The following SNTG2 variants were observed in gnomAD, a reference collection of about 807,000 sequenced individuals.
SNTG2 encodes the protein gamma-2-syntrophin.
Under a neutral mutation model 70.9 loss-of-function variants are expected in SNTG2, and 74 were observed. That is an observed-to-expected ratio of 1.04 (90% CI 0.86 to 1.27). The LOEUF (loss-of-function observed/expected upper bound fraction) is 1.27. SNTG2 is among the 50% of genes most tolerant of loss of function. The pLI is 0.00. For missense variants in SNTG2, 717 were observed against 690.7 expected, an observed-to-expected ratio of 1.04 and a Z score of -0.43; for synonymous variants, 278 against 273.8, an observed-to-expected ratio of 1.02 and a Z score of -0.15.
intron 1 of SNTG2, among the ~76,000 whole-genome samples, chr2:1,037,796 A>G (rs1216398633): frequency 6.6e-6 from 1 of 152,104 alleles, no homozygotes; most frequent in Non-Finnish European, 1.5e-5. Context: ...TTGATTGCTG[A>G]ATAATATTCC....
chr2:1,004,992 T>C (rs1471830204), intron 1 of SNTG2, among the ~76,000 whole-genome samples: 1 of 152,206 alleles, frequency 6.6e-6, no homozygotes, highest in Non-Finnish European at 1.5e-5. Context: ...GTCACTGTAA[T>C]GTTATTCAAC....
intron 4 of SNTG2, among the ~76,000 whole-genome samples, chr2:1,100,180 C>T (rs902044251): frequency 6.6e-6 from 1 of 151,856 alleles, no homozygotes; most frequent in Non-Finnish European, 1.5e-5. Context: ...TCTTCCCCCA[C>T]CCCACTGACA....
chr2:1,205,598 C>T (rs1158070770), intron 8 of SNTG2, among the ~76,000 whole-genome samples: 1 of 152,184 alleles, frequency 6.6e-6, no homozygotes, highest in East Asian at 1.9e-4. Context: ...AGAAAGAGCA[C>T]CTGCCCAGTG....
At chr2:1,209,890 T>A (rs1311499093) in intron 9 of SNTG2, among the ~76,000 whole-genome samples, 2 of 152,042 alleles carry the variant, frequency 1.3e-5, no homozygotes, top group South Asian at 4.1e-4. Context: ...GAATTTTTTT[T>A]AATTGAGCAC....
At chr2:1,221,202 C>T (rs564332478) in intron 9 of SNTG2, among the ~76,000 whole-genome samples, 2 of 152,022 alleles carry the variant, frequency 1.3e-5, no homozygotes, top group African/African-American at 4.8e-5. Context: ...TTCCGAGATT[C>T]CCCGGGTGCT....
chr2:1,069,521 A>G (rs1010087076), intron 1 of SNTG2, among the ~76,000 whole-genome samples: 7 of 151,114 alleles, frequency 4.6e-5, no homozygotes, highest in African/African-American at 1.7e-4. Context: ...GGCTGGGCGC[A>G]GTGGCTCATG....
At chr2:1,048,498 A>G (rs937997312) in intron 1 of SNTG2, among the ~76,000 whole-genome samples, 15 of 152,212 alleles carry the variant, frequency 9.9e-5, no homozygotes, top group African/African-American at 3.4e-4. Flanking sequence ...TTTATGATGT[A>G]TATCCACACT....
intron 2 of SNTG2, among the ~76,000 whole-genome samples, chr2:1,096,664 A>T (rs1665412412): frequency 6.6e-6 from 1 of 152,066 alleles, no homozygotes; most frequent in Non-Finnish European, 1.5e-5. Flanking sequence ...TTCCTTCTTT[A>T]TGGCTGAAGG....
chr2:1,011,912 C>T (rs933982409), intron 1 of SNTG2, among the ~76,000 whole-genome samples: 25 of 152,254 alleles, frequency 1.6e-4, no homozygotes, highest in African/African-American at 5.8e-4. Context: ...ATTGTGAAGT[C>T]CACTTGTATA....
intron 1 of SNTG2, among the ~76,000 whole-genome samples, chr2:965,579 C>T (rs1168960313): frequency 7.0e-6 from 1 of 143,748 alleles, no homozygotes; most frequent in Non-Finnish European, 1.5e-5. Context: ...TCCCCTCCTC[C>T]TCTGTGGCCC....
chr2:1,060,560 T>A (rs1336957280), intron 1 of SNTG2, among the ~76,000 whole-genome samples: 1 of 152,174 alleles, frequency 6.6e-6, no homozygotes, highest in Non-Finnish European at 1.5e-5. Context: ...TCCAGCATTG[T>A]GTTAAGTATA....
chr2:1,286,198 C>CA lies in SNTG2; in HGVS notation c.1284+18628dup, dbSNP rs149032488. 8.7e-3 allele frequency among the ~76,000 whole-genome samples: 1,325 copies of CA among 152,244 alleles called. 20 individuals carry two copies. The highest frequency in any genetic ancestry group is 0.029 in the African/African-American group (1,220 of 41,526). ...AACATAATGTCGAGGGAACTGGAAACAGAAATTTTGCTAGGGGATCACTAG... is the reference window on the plus strand; with the variant it reads ...AACATAATGTCGAGGGAACTGGAAACAAGAAATTTTGCTAGGGGATCACTAG... On this transcript the variant is annotated intron_variant, in intron 14 of 16. Coordinates refer to ENST00000308624, the MANE Select transcript of SNTG2 (RefSeq NM_018968.4).
intron 2 of SNTG2, 29 bp from the exon 3 acceptor site, chr2:1,098,167 C>G (rs768887115): frequency 1.2e-6 from 2 of 1,611,008 alleles, no homozygotes; most frequent in South Asian, 1.1e-5. Context: ...TTAACCTAAA[C>G]TTGGTTTGTT....
At chr2:1,113,919 C>A (rs952505242) in intron 4 of SNTG2, among the ~76,000 whole-genome samples, 5 of 151,636 alleles carry the variant, frequency 3.3e-5, no homozygotes, top group African/African-American at 1.2e-4. Context: ...TTAACCCTTA[C>A]AGTCCTTTGA....
At chr2:1,296,512 T>C (rs976421583) in intron 14 of SNTG2, among the ~76,000 whole-genome samples, 1 of 152,202 alleles carries the variant, frequency 6.6e-6, no homozygotes, top group African/African-American at 2.4e-5. Context: ...TACCCGTGTA[T>C]TAGTAAAACT....
Position 1,259,448 on chromosome 2 carries a change from A to T in SNTG2, c.1077+7A>T, listed in dbSNP as rs1175504592. ...GCTATTTAAAGTTCACAAGGTAGGT[A>T]TCTTTTGCACTTCAGATGCTTTCAT... On this transcript the variant is annotated splice_region_variant and intron_variant, in intron 13 of 16. Transcript: ENST00000308624. 2 of 1,612,450 alleles carry T rather than the reference A, an allele frequency of 1.2e-6. No homozygotes were observed. Among genetic ancestry groups the T allele is most frequent in the African/African-American group, 2.7e-5 (2 of 74,924 alleles).
chr2:976,538 G>A (rs546794510), intron 1 of SNTG2, among the ~76,000 whole-genome samples: 10 of 152,274 alleles, frequency 6.6e-5, no homozygotes, highest in African/African-American at 2.2e-4. Context: ...GCTCTTCTCC[G>A]AGTTTTGCCT....
intron 16 of SNTG2, among the ~76,000 whole-genome samples, chr2:1,356,233 A>G (rs1660847571): frequency 6.6e-6 from 1 of 152,074 alleles, no homozygotes; most frequent in South Asian, 2.1e-4. Flanking sequence ...GCCTGTGGTT[A>G]TGGTGTCATA....
At chr2:1,218,472 A>G (rs573517082) in intron 9 of SNTG2, among the ~76,000 whole-genome samples, 3 of 152,298 alleles carry the variant, frequency 2.0e-5, no homozygotes, top group South Asian at 2.1e-4. Context: ...ATCCTTTTAA[A>G]ACAAAAGTGG....
Sources: allele counts gnomAD v4.1 joint callset (sites outside exome capture counted in the v4.1 genomes callset), GRCh38; gene constraint gnomAD v4.1.1; transcripts MANE v1.5; gene names NCBI Gene and HGNC (gene_info 2026-07-23, HGNC 2026-07-21).